SAMHD1: variants seen among roughly 807,000 people sequenced by gnomAD.
SAMHD1 encodes the protein SAM and HD domain containing deoxynucleoside triphosphate triphosphohydrolase 1, also known as deoxynucleoside triphosphate triphosphohydrolase SAMHD1.
Under a neutral mutation model 79.6 loss-of-function variants are expected in SAMHD1, and 54 were observed. The observed-to-expected ratio is 0.68, with a 90% CI of 0.55 to 0.85. The LOEUF (loss-of-function observed/expected upper bound fraction) is 0.85, where lower values mean the gene tolerates loss of function less well. Ranked by LOEUF, SAMHD1 falls within the 40% of genes least tolerant of loss-of-function variation. SAMHD1 has a pLI of 0.00. For missense variants in SAMHD1, 663 were observed against 782.7 expected (o/e 0.85, Z 1.82); for synonymous variants, 260 against 264.1 (o/e 0.98, Z 0.15).
At chr20:36,912,659 G>C in intron 9 of SAMHD1, 107 bp from the exon 10 acceptor site, 1 of 775,610 alleles carries the variant, frequency 1.3e-6, no homozygotes. Flanking sequence ...AGACAAGAGG[G>C]CTATGCACCG....
At chr20:36,910,313 G>A (rs1182109369) in intron 11 of SAMHD1, among the ~76,000 whole-genome samples, 1 of 151,932 alleles carries the variant, frequency 6.6e-6, no homozygotes, top group Non-Finnish European at 1.5e-5. Context: ...TGAGGCAAGA[G>A]GATCACTTGA....
intron 4 of SAMHD1, among the ~76,000 whole-genome samples, chr20:36,933,854 G>C (rs62208124): frequency 0.028 from 4,222 of 152,068 alleles, 98 homozygotes; most frequent in Non-Finnish European, 0.039. Flanking sequence ...AGACCACCCT[G>C]GCCAACGTGG....
intron 11 of SAMHD1, among the ~76,000 whole-genome samples, chr20:36,905,907 A>C (rs1349128004): frequency 6.6e-6 from 1 of 151,550 alleles, no homozygotes; most frequent in East Asian, 1.9e-4. Context: ...CGGAAAGTGG[A>C]GGTTACGGTG....
At chr20:36,912,642 T>G in intron 9 of SAMHD1, 90 bp from the exon 10 acceptor site, 2 of 900,916 alleles carry the variant, frequency 2.2e-6, no homozygotes, top group Non-Finnish European at 3.6e-6. Context: ...GGAAAAGGGA[T>G]AGTGGCAGAC....
At chr20:36,893,784 AT>A (rs1990139218) in intron 15 of SAMHD1, 1 of 397,476 alleles carries the variant, frequency 2.5e-6, no homozygotes, top group South Asian at 1.3e-4. Context: ...CGTGCTCCTC[AT>A]CTGCTTATTT....
chr20:36,945,928 T>TA lies in SAMHD1; in HGVS notation c.275+809dup, dbSNP rs768099599. The stretch of plus-strand genomic sequence containing the variant: ...CAATAAATAAATAAATAAATAAAAT[T>TA]AAAAATAAACTAAAATAGGAATAAA... On this transcript the variant is annotated intron_variant, in intron 2 of 15. Transcript: ENST00000646673. 5.0e-3 allele frequency among the ~76,000 whole-genome samples: 759 copies of TA among 151,044 alleles called. 6 individuals carry two copies. The highest frequency in any genetic ancestry group is 0.021 in the Middle Eastern group (6 of 284).
At chr20:36,947,309 A>AGG (rs35825514) in intron 1 of SAMHD1, among the ~76,000 whole-genome samples, 2 of 118,640 alleles carry the variant, frequency 1.7e-5, no homozygotes, top group Admixed American at 8.7e-5. Flanking sequence ...GATTTGGAAG[A>AGG]GGTGTGTGTG....
In SAMHD1 at chr20:36,904,235, A is replaced by G. The variant is rs2063392800; in HGVS notation, c.1425T>C (p.Ser475=). The G allele has an allele frequency of 6.2e-7, 1 of 1,612,140 alleles. No homozygotes were observed. Among genetic ancestry groups the G allele is most frequent in the Non-Finnish European group, 8.5e-7 (1 of 1,178,228 alleles). The change falls in exon 13 of 16, where the codon TCT becomes TCC. Residue 475 remains serine (S), a synonymous_variant. Transcript: ENST00000646673. The stretch of plus-strand genomic sequence containing the variant: ...TAGCACTGGCAACCTCTTTTGGAAG[A>G]GATTCATAGTCCTCCTGGAAAACAC... ...QIKIKREDYE[S]LPKEVASAKP...
chr20:36,926,267 C>T (rs1326566555), intron 6 of SAMHD1, among the ~76,000 whole-genome samples: 4 of 152,142 alleles, frequency 2.6e-5, no homozygotes, highest in African/African-American at 9.7e-5. Flanking sequence ...GGATCAACTA[C>T]TGAGGCACAT....
At chr20:36,898,867 G>A (rs997878779) in intron 13 of SAMHD1, among the ~76,000 whole-genome samples, 4 of 138,624 alleles carry the variant, frequency 2.9e-5, no homozygotes, top group African/African-American at 5.5e-5. Flanking sequence ...AGCCGAGATC[G>A]CACCACTGCA....
chr20:36,947,214 A>T (rs1300155901), intron 1 of SAMHD1, among the ~76,000 whole-genome samples: 1 of 152,174 alleles, frequency 6.6e-6, no homozygotes, highest in African/African-American at 2.4e-5. Context: ...TATTGTTCTT[A>T]GAATTAACAA....
chr20:36,943,853 GC>G (rs2063664215), intron 2 of SAMHD1, among the ~76,000 whole-genome samples: 1 of 152,086 alleles, frequency 6.6e-6, no homozygotes, highest in African/African-American at 2.4e-5. Context: ...GCTGAGGCAG[GC>G]AGATCATGAG....
chr20:36,913,609 A>G (rs2063458430), intron 9 of SAMHD1, among the ~76,000 whole-genome samples: 3 of 150,872 alleles, frequency 2.0e-5, no homozygotes, highest in South Asian at 2.1e-4. Context: ...ACTCAAAGAA[A>G]AAAAAAAAAA....
At position 36,916,748 on chromosome 20, in the gene SAMHD1, C is replaced by T. The variant is rs2063478362; in HGVS notation, c.1036G>A (p.Glu346Lys). The stretch of plus-strand genomic sequence containing the variant: ...TTATCTCTAGCACAAATACGCAACT[C>T]ATTGTCTACTTCACAGACACGGGCA... ...KFARVCEVDN[E>K]LRICARDKEV... Residue 346 changes from glutamate to lysine, a missense_variant, in exon 9 of 16, where the codon GAG becomes AAG. Transcript: ENST00000646673. 6 of 1,613,538 alleles carry T rather than the reference C, an allele frequency of 3.7e-6. No homozygotes were observed. In the South Asian group the frequency reaches 5.5e-5, roughly 15 times the overall value.
rs568011642 is a variant in SAMHD1 at position 36,941,032 on chromosome 20, C to G, written c.348+7G>C. The stretch of plus-strand genomic sequence containing the variant: ...TCAAAAAACATAACAAACTCAGATC[C>G]TCTTACCTTCATTGTATCAACGTGG... On this transcript the variant is annotated splice_region_variant and intron_variant, in intron 3 of 15. Coordinates refer to ENST00000646673, the MANE Select transcript of SAMHD1 (RefSeq NM_015474.4). The G allele has an allele frequency of 2.5e-6, 4 of 1,605,314 alleles. No individual in the cohort carries two copies. Among genetic ancestry groups the G allele is most frequent in the South Asian group, 1.1e-5 (1 of 90,914 alleles).
chr20:36,946,568 T>C, intron 2 of SAMHD1, 170 bp downstream of exon 2: 1 of 588,540 alleles, frequency 1.7e-6, no homozygotes, highest in Non-Finnish European at 3.1e-6. Flanking sequence ...CAAGAGACTA[T>C]CTCAAAAAAC....
intron 15 of SAMHD1, chr20:36,893,634 G>C: frequency 2.7e-6 from 1 of 369,544 alleles, no homozygotes; most frequent in East Asian, 4.1e-5. Flanking sequence ...AAACCATAGA[G>C]GTAAGAAGCA....
intron 5 of SAMHD1, among the ~76,000 whole-genome samples, chr20:36,927,460 G>A (rs2063544100): frequency 1.3e-5 from 2 of 151,814 alleles, no homozygotes; most frequent in African/African-American, 4.8e-5. Flanking sequence ...TGGGATTACA[G>A]GCGTGTGCAA....
intron 9 of SAMHD1, among the ~76,000 whole-genome samples, chr20:36,913,464 A>G (rs1207143401): frequency 6.6e-6 from 1 of 151,464 alleles, no homozygotes; most frequent in Non-Finnish European, 1.5e-5. Context: ...TTAGCCGGGC[A>G]TGATGGCGGG....
Sources: allele counts gnomAD v4.1 joint callset (sites outside exome capture counted in the v4.1 genomes callset), GRCh38; gene constraint gnomAD v4.1.1; transcripts MANE v1.5; gene names NCBI Gene and HGNC (gene_info 2026-07-23, HGNC 2026-07-21).